Variants in TRPM1 observed in about 807,000 individuals in gnomAD.
The protein encoded by TRPM1 is transient receptor potential cation channel subfamily M member 1.
TRPM1 carries 113 observed loss-of-function variants against 149.4 expected under a neutral mutation model. That is an observed-to-expected ratio of 0.76 (90% confidence interval 0.65 to 0.88). The LOEUF is 0.88. Among genes scored for constraint, TRPM1 ranks in the 40% least tolerant of loss-of-function variants. TRPM1 has a pLI of 0.00. For missense variants in TRPM1, 1,976 were observed against 2,038.7 expected (o/e 0.97, Z 0.59); for synonymous variants, 741 against 759.5 (o/e 0.98, Z 0.40).
chr15:31,062,757 A>G, intron 8 of TRPM1, 55 bp from the exon 9 acceptor site: 1 of 1,574,346 alleles, frequency 6.4e-7, no homozygotes, highest in Non-Finnish European at 8.7e-7. Context: ...CTATATATGA[A>G]TGAGTCAGAC....
chr15:31,090,636 C>T (rs1320951795), intron 1 of TRPM1, among the ~76,000 whole-genome samples: 2 of 143,946 alleles, frequency 1.4e-5, no homozygotes, highest in Admixed American at 6.9e-5. Context: ...GACTCCATCT[C>T]AAAAACAAAA....
intron 16 of TRPM1, among the ~76,000 whole-genome samples, chr15:31,044,440 G>T (rs2033709232): frequency 6.6e-6 from 1 of 152,180 alleles, no homozygotes; most frequent in African/African-American, 2.4e-5. Context: ...ATGTAGGAAA[G>T]AAAGTTTAAG....
chr15:31,093,359 G>A (rs1177173616), intron 1 of TRPM1, among the ~76,000 whole-genome samples: 1 of 151,708 alleles, frequency 6.6e-6, no homozygotes, highest in Non-Finnish European at 1.5e-5. Context: ...GAAGTGGAGG[G>A]TGAAAGATCA....
chr15:31,082,762 G>A (rs973403219), intron 1 of TRPM1, among the ~76,000 whole-genome samples: 1 of 152,202 alleles, frequency 6.6e-6, no homozygotes, highest in Non-Finnish European at 1.5e-5. Flanking sequence ...CATCTGGGTG[G>A]GGGTTGCTCA....
At chr15:31,050,298 C>T (rs940143801) in intron 12 of TRPM1, 111 bp downstream of exon 12, 23 of 1,503,274 alleles carry the variant, frequency 1.5e-5, no homozygotes, top group South Asian at 4.5e-5. Flanking sequence ...AGCCTTTACC[C>T]GTCCCTCCTG....
Position 31,069,619 on chromosome 15 carries a change from G to A in TRPM1, c.279+412C>T, listed in dbSNP as rs1408660171. On this transcript the variant is annotated intron_variant, in intron 4 of 27. Transcript: ENST00000256552. The stretch of plus-strand genomic sequence containing the variant: ...TTGGTCCTTCTCGGGCCAGCTGAGC[G>A]CAGGCCCAGGGAAGCTGTGGACAGA... The A allele has an allele frequency of 2.1e-5, 28 of 1,311,058 alleles. No individual in the cohort carries two copies. The East Asian group carries it at 3.7e-4, about 17-fold the overall frequency. The allele number at this position is 1,311,058 out of a possible 1,614,324, so 81.2% of individuals were successfully genotyped here.
chr15:31,001,601 T>C lies in TRPM1; in HGVS notation c.*221A>G. Reference sequence around the variant, plus strand: ...ATTAGCCAATTTATCTTCGTTACAGTATCATCACTTTCATTTGATACTACT... The same window carrying C: ...ATTAGCCAATTTATCTTCGTTACAGCATCATCACTTTCATTTGATACTACT... On this transcript the variant is annotated 3_prime_UTR_variant, in exon 28 of 28. Coordinates refer to ENST00000256552, the MANE Select transcript of TRPM1 (RefSeq NM_001252024.2). The C allele has an allele frequency of 1.7e-6, 1 of 605,730 alleles. No homozygotes were observed. The highest frequency in any genetic ancestry group is 2.9e-6 in the Non-Finnish European group (1 of 346,610). The allele number at this position is 605,730 out of a possible 1,614,324, so 37.5% of individuals were successfully genotyped here. A position where few individuals can be genotyped will look rare whatever the true frequency, so the allele number is the denominator to read the frequency against.
intron 10 of TRPM1, among the ~76,000 whole-genome samples, chr15:31,061,121 CA>C (rs2034220250): frequency 6.6e-6 from 1 of 152,210 alleles, no homozygotes; most frequent in Non-Finnish European, 1.5e-5. Context: ...GGAAATTGGA[CA>C]GAACACTGCG....
At chr15:31,008,498 A>G (rs1053163803) in intron 27 of TRPM1, among the ~76,000 whole-genome samples, 1 of 152,164 alleles carries the variant, frequency 6.6e-6, no homozygotes, top group Non-Finnish European at 1.5e-5. Flanking sequence ...GATTACATTG[A>G]TTGTTTTCAA....
At chr15:31,099,346 T>C (rs1567054562) in intron 1 of TRPM1, among the ~76,000 whole-genome samples, 1 of 152,010 alleles carries the variant, frequency 6.6e-6, no homozygotes, top group African/African-American at 2.4e-5. Flanking sequence ...GTCCTCTTAT[T>C]CTCCTGGCTG....
intron 2 of TRPM1, among the ~76,000 whole-genome samples, chr15:31,080,131 G>A (rs4779503): frequency 0.76 from 115,540 of 152,094 alleles, 44,225 homozygotes; most frequent in East Asian, 0.96. Flanking sequence ...CTTTCTTCCA[G>A]TGGAAAGTCC....
upstream of TRPM1, among the ~76,000 whole-genome samples, chr15:31,105,383 C>A (rs73375914): frequency 0.033 from 5,037 of 152,056 alleles, 291 homozygotes; most frequent in African/African-American, 0.11. Context: ...TGCTTCTGAA[C>A]TGAATTGTTT....
At position 31,003,084 on chromosome 15, in the gene TRPM1, AG is replaced by A. The variant is rs1285878496; in HGVS notation, c.3630-15del. 6.3e-7 allele frequency: 1 copy of A among 1,592,682 alleles called. No individual in the cohort carries two copies. Among genetic ancestry groups the A allele is most frequent in the East Asian group, 2.2e-5 (1 of 44,768 alleles). ...ATATTTTCAACTCTGGTGAATATAA[AG>A]GGATAGATTTATTAAACTGAGATTA... On this transcript the variant is annotated splice_polypyrimidine_tract_variant and intron_variant, in intron 27 of 27. Coordinates refer to ENST00000256552, the MANE Select transcript of TRPM1 (RefSeq NM_001252024.2).
At chr15:31,121,052 C>G (rs576094276) in intron 1 of TRPM1, among the ~76,000 whole-genome samples, 1 of 151,580 alleles carries the variant, frequency 6.6e-6, no homozygotes, top group Non-Finnish European at 1.5e-5. Context: ...GATGGTGAAA[C>G]CCCATCTCTA....
chr15:31,072,435 T>C lies in TRPM1; in HGVS notation c.84-2209A>G, dbSNP rs763341673. The stretch of plus-strand genomic sequence containing the variant: ...TATCTATTTATCATTTAATGGACAT[T>C]TGGGCTATTCGCACTCTTCAGCTGT... On this transcript the variant is annotated intron_variant, in intron 3 of 27. Coordinates refer to ENST00000256552, the MANE Select transcript of TRPM1 (RefSeq NM_001252024.2). Among the ~76,000 whole-genome samples the C allele has an allele frequency of 2.6e-5, 4 of 152,252 alleles. No homozygotes were observed. The South Asian group carries it at 8.3e-4, about 32-fold the overall frequency.
chr15:31,104,150 G>A (rs1440921511), upstream of TRPM1, among the ~76,000 whole-genome samples: 1 of 152,148 alleles, frequency 6.6e-6, no homozygotes, highest in African/African-American at 2.4e-5. Flanking sequence ...TCCTCACCCA[G>A]CTGCGGGGGT....
chr15:31,094,146 T>C (rs1019768815), intron 1 of TRPM1, among the ~76,000 whole-genome samples: 2 of 152,114 alleles, frequency 1.3e-5, no homozygotes, highest in African/African-American at 4.8e-5. Flanking sequence ...GCTTGGAAAA[T>C]TGGATATCCA....
chr15:31,089,371 GTATC>G (rs1231452021), intron 1 of TRPM1, among the ~76,000 whole-genome samples: 3 of 152,332 alleles, frequency 2.0e-5, no homozygotes, highest in African/African-American at 4.8e-5. Flanking sequence ...ATCTTGGTAA[GTATC>G]TATGAAGTAT....
At chr15:31,113,659 GCCCT>G (rs1441305673) in intron 1 of TRPM1, among the ~76,000 whole-genome samples, 3 of 151,820 alleles carry the variant, frequency 2.0e-5, no homozygotes, top group Non-Finnish European at 4.4e-5. Context: ...CTAGTTTTTT[GCCCT>G]CCATCACCCA....
Sources: gnomAD v4.1 joint callset for allele counts (sites outside exome capture counted in the v4.1 genomes callset) on GRCh38, gnomAD v4.1.1 for gene constraint, MANE v1.5 for transcripts, NCBI Gene and HGNC (gene_info 2026-07-23, HGNC 2026-07-21) for gene names.